The following ZBTB7C variants were observed in gnomAD, a reference collection of about 807,000 sequenced individuals.
ZBTB7C encodes the protein zinc finger and BTB domain-containing protein 7C.
A neutral mutation model predicts 25.7 loss-of-function variants in ZBTB7C; 8 were observed. The observed-to-expected ratio is 0.31, with a 90% CI of 0.18 to 0.56. The LOEUF (loss-of-function observed/expected upper bound fraction) is 0.56, where lower values mean the gene tolerates loss of function less well. Ranked by LOEUF, ZBTB7C falls within the 20% of genes least tolerant of loss-of-function variation. ZBTB7C has a pLI of 0.91. For synonymous variants in ZBTB7C, 394 were observed against 369.0 expected, an observed-to-expected ratio of 1.07 and a Z score of -0.78; for missense variants, 824 against 855.2, an observed-to-expected ratio of 0.96 and a Z score of 0.46.
At chr18:48,084,688 C>T (rs888448970) in intron 3 of ZBTB7C, among the ~76,000 whole-genome samples, 25 of 152,306 alleles carry the variant, frequency 1.6e-4, no homozygotes, top group African/African-American at 5.8e-4. Context: ...CTCAACCCTC[C>T]GGGCCAGTGC....
chr18:48,110,325 A>AC (rs34898683), intron 3 of ZBTB7C, among the ~76,000 whole-genome samples: 7 of 137,128 alleles, frequency 5.1e-5, no homozygotes, highest in African/African-American at 2.1e-4. Flanking sequence ...GCCCTGCCCT[A>AC]CCCCCCCACC....
chr18:48,209,897 G>A (rs1371511047), intron 2 of ZBTB7C, among the ~76,000 whole-genome samples: 1 of 152,174 alleles, frequency 6.6e-6, no homozygotes, highest in African/African-American at 2.4e-5. Context: ...ACACTTGGTA[G>A]AAAATATTTG....
In ZBTB7C at chr18:48,029,222, A is replaced by ACTGGAGGG; in HGVS notation, c.*30_*37dup. On this transcript the variant is annotated 3_prime_UTR_variant, in exon 5 of 5. Transcript: ENST00000590800. ...GTAGAGTGGGCCTGGAGGGAGAAGGACTGGAGGGCTGGTGGGCTGGAGCCG... is the reference window on the plus strand; with the variant it reads ...GTAGAGTGGGCCTGGAGGGAGAAGGACTGGAGGGCTGGAGGGCTGGTGGGCTGGAGCCG... The ACTGGAGGG allele has an allele frequency of 1.3e-6, 2 of 1,515,532 alleles. No homozygotes were observed. The highest frequency in any genetic ancestry group is 1.8e-6 in the Non-Finnish European group (2 of 1,141,868). 93.9% of individuals were successfully genotyped at this position (1,515,532 alleles called of 1,614,324 possible).
intron 2 of ZBTB7C, among the ~76,000 whole-genome samples, chr18:48,243,504 A>G (rs1439212706): frequency 6.6e-6 from 1 of 152,128 alleles, no homozygotes; most frequent in Non-Finnish European, 1.5e-5. Context: ...ACTACAAAAC[A>G]CTGCTGAAAG....
intron 2 of ZBTB7C, among the ~76,000 whole-genome samples, chr18:48,331,760 C>A (rs1211349149): frequency 6.6e-6 from 1 of 152,164 alleles, no homozygotes; most frequent in African/African-American, 2.4e-5. Context: ...GCTCCCAGGA[C>A]AAGCTGTATA....
chr18:48,295,847 G>A lies in ZBTB7C; in HGVS notation c.-79+42327C>T, dbSNP rs557260924. 1.3e-4 allele frequency among the ~76,000 whole-genome samples: 20 copies of A among 152,230 alleles called. 1 individual carries two copies. In the South Asian group the frequency reaches 3.3e-3, roughly 25 times the overall value. ...CAGCAGGAGGGGGGCAGTCGCAGGC[G>A]AGTGGGGAAGAGATAGGGGTCAGGT... On this transcript the variant is annotated intron_variant, in intron 2 of 4. Transcript: ENST00000590800.
intron 2 of ZBTB7C, among the ~76,000 whole-genome samples, chr18:48,293,574 G>T (rs898677574): frequency 2.6e-5 from 4 of 152,024 alleles, no homozygotes; most frequent in African/African-American, 9.7e-5. Flanking sequence ...CTTCAAAATG[G>T]CTCCCCAAAT....
intron 2 of ZBTB7C, among the ~76,000 whole-genome samples, chr18:48,265,925 T>C (rs1410811300): frequency 1.3e-5 from 2 of 152,186 alleles, no homozygotes; most frequent in African/African-American, 2.4e-5. Context: ...CTGAGGATTA[T>C]GAAGCAGCAG....
Position 48,405,626 on chromosome 18 carries a change from C to T in ZBTB7C, c.-304+3600G>A, listed in dbSNP as rs568178711. ...TAAAAGTGTGGAAAATCCTTGTGTC[C>T]TAAATTCCCCTAGGGCAGCTGGCAC... On this transcript the variant is annotated intron_variant, in intron 1 of 4. Transcript: ENST00000590800. Among the ~76,000 whole-genome samples the T allele has an allele frequency of 1.1e-4, 16 of 152,300 alleles. No individual in the cohort carries two copies. In the South Asian group the frequency reaches 3.1e-3, roughly 30 times the overall value.
chr18:48,106,349 A>AAG (rs1405877812), intron 3 of ZBTB7C, among the ~76,000 whole-genome samples: 1 of 151,154 alleles, frequency 6.6e-6, no homozygotes, highest in East Asian at 1.9e-4. Context: ...TGGCAAGAAA[A>AAG]AAAAAAAAAG....
At chr18:48,124,890 G>A (rs1168818523) in intron 3 of ZBTB7C, among the ~76,000 whole-genome samples, 2 of 152,184 alleles carry the variant, frequency 1.3e-5, no homozygotes, top group East Asian at 3.9e-4. Flanking sequence ...GACAGCAGCG[G>A]TGGCCAGTTG....
intron 2 of ZBTB7C, among the ~76,000 whole-genome samples, chr18:48,193,445 T>A (rs1011931127): frequency 2.6e-5 from 4 of 152,140 alleles, no homozygotes; most frequent in Non-Finnish European, 5.9e-5. Context: ...TAAATAGTAA[T>A]TATTTGCATG....
intron 2 of ZBTB7C, among the ~76,000 whole-genome samples, chr18:48,304,017 T>C (rs1390455213): frequency 6.6e-6 from 1 of 152,152 alleles, no homozygotes; most frequent in East Asian, 1.9e-4. Context: ...ACCCCCATCT[T>C]GCAGATGAAG....
intron 3 of ZBTB7C, chr18:48,165,055 G>T: frequency 1.6e-6 from 2 of 1,257,418 alleles, no homozygotes; most frequent in Non-Finnish European, 2.1e-6. Context: ...TGATCAAGAG[G>T]TAGATCACCT....
intron 2 of ZBTB7C, among the ~76,000 whole-genome samples, chr18:48,191,967 C>T (rs539926508): frequency 6.6e-6 from 1 of 152,332 alleles, no homozygotes; most frequent in South Asian, 2.1e-4. Flanking sequence ...GATCTGAAAA[C>T]TTATATCCCC....
chr18:48,411,697 CA>C (rs1445983432), upstream of ZBTB7C, among the ~76,000 whole-genome samples: 64 of 152,228 alleles, frequency 4.2e-4, no homozygotes, highest in African/African-American at 1.5e-3. Flanking sequence ...CAGCTACAGC[CA>C]TAAAAAGGGC....
At chr18:48,030,870 A>G (rs1484572210) in intron 4 of ZBTB7C, among the ~76,000 whole-genome samples, 1 of 152,208 alleles carries the variant, frequency 6.6e-6, no homozygotes, top group African/African-American at 2.4e-5. Context: ...GGTTGTTTTC[A>G]TAAACACTGA....
intron 2 of ZBTB7C, among the ~76,000 whole-genome samples, chr18:48,276,955 A>G (rs367567224): frequency 0.016 from 2,386 of 148,816 alleles, 30 homozygotes; most frequent in South Asian, 0.054. Flanking sequence ...CATCCTCTCC[A>G]GCACCTGTTG....
intron 2 of ZBTB7C, among the ~76,000 whole-genome samples, chr18:48,254,510 C>T (rs749267659): frequency 2.6e-5 from 4 of 152,156 alleles, no homozygotes; most frequent in African/African-American, 7.2e-5. Context: ...TGCAGTCCGC[C>T]GCTTTTCCCT....
Sources: allele counts gnomAD v4.1 joint callset (sites outside exome capture counted in the v4.1 genomes callset), GRCh38; gene constraint gnomAD v4.1.1; transcripts MANE v1.5; gene names NCBI Gene and HGNC (gene_info 2026-07-23, HGNC 2026-07-21).